Variants in CDH5 observed in about 807,000 individuals in gnomAD.
The protein encoded by CDH5 is cadherin 5.
CDH5 carries 28 observed loss-of-function variants against 62.0 expected under a neutral mutation model. The observed-to-expected ratio is 0.45, with a 90% confidence interval of 0.33 to 0.62. The LOEUF (loss-of-function observed/expected upper bound fraction) is 0.62. Ranked by LOEUF, CDH5 falls within the 20% of genes least tolerant of loss-of-function variation. The pLI, the probability that CDH5 is intolerant of heterozygous loss-of-function variation, is 0.02. For synonymous variants in CDH5, 464 were observed against 445.8 expected (o/e 1.04, Z -0.52); for missense variants, 940 against 1,065.1 (o/e 0.88, Z 1.63).
At chr16:66,391,010 T>C (rs1961074882) in intron 6 of CDH5, among the ~76,000 whole-genome samples, 1 of 152,182 alleles carries the variant, frequency 6.6e-6, no homozygotes, top group African/African-American at 2.4e-5. Flanking sequence ...TAGAAATCCA[T>C]CAGCATGAAG....
chr16:66,393,445 C>T (rs1215186670), intron 7 of CDH5, among the ~76,000 whole-genome samples: 5 of 152,198 alleles, frequency 3.3e-5, no homozygotes, highest in Admixed American at 6.5e-5. Flanking sequence ...GAAGCAGGCA[C>T]GTCTTACACG....
intron 1 of CDH5, among the ~76,000 whole-genome samples, chr16:66,370,536 AAGACC>A (rs1033395308): frequency 8.5e-5 from 13 of 152,152 alleles, no homozygotes; most frequent in African/African-American, 3.1e-4. Flanking sequence ...AGTGGGTGAC[AAGACC>A]AGAACTGGAG....
At chr16:66,378,507 A>G (rs1242761402) in intron 1 of CDH5, among the ~76,000 whole-genome samples, 1 of 152,240 alleles carries the variant, frequency 6.6e-6, no homozygotes, top group Non-Finnish European at 1.5e-5. Flanking sequence ...ATGCTTGATA[A>G]AGATTAGCTA....
chr16:66,379,592 C>G, intron 2 of CDH5, 45 bp downstream of exon 2: 1 of 1,559,644 alleles, frequency 6.4e-7, no homozygotes. Flanking sequence ...AGCAGCTGGC[C>G]CATAGTGACA....
intron 1 of CDH5, among the ~76,000 whole-genome samples, chr16:66,368,100 A>C (rs112360388): frequency 1.8e-4 from 28 of 152,314 alleles, no homozygotes; most frequent in Middle Eastern, 6.8e-3. Flanking sequence ...CTCCCTCCCC[A>C]GCGTGGACGT....
intron 3 of CDH5, 73 bp from the exon 4 acceptor site, chr16:66,388,251 C>G: frequency 2.2e-6 from 2 of 918,744 alleles, no homozygotes; most frequent in Non-Finnish European, 3.6e-6. Flanking sequence ...TGAGCCCCAT[C>G]TGCTCTGTTC....
At chr16:66,398,257 C>G in intron 9 of CDH5, 151 bp downstream of exon 9, 1 of 1,021,254 alleles carries the variant, frequency 9.8e-7, no homozygotes, top group Non-Finnish European at 1.5e-6. Context: ...GAAACTGAGG[C>G]TCAGAGGGAA....
Position 66,379,401 on chromosome 16 carries a change from G to T in CDH5, c.64G>T (p.Ala22Ser). Residue 22 changes from alanine (A) to serine (S), a missense_variant, in exon 2 of 12, where the codon GCA becomes TCA. Coordinates refer to ENST00000341529, the MANE Select transcript of CDH5 (RefSeq NM_001795.5). ...GACLGLLAVAAVAAAGANPAQ... is the reference protein window; with the variant it reads ...GACLGLLAVASVAAAGANPAQ... Reference sequence around the variant, plus strand: ...CTGCCTGGGCCTGCTGGCAGTGGCAGCAGTGGCAGCAGCAGGTGCTAACCC... The same window carrying T: ...CTGCCTGGGCCTGCTGGCAGTGGCATCAGTGGCAGCAGCAGGTGCTAACCC... 6.2e-7 allele frequency: 1 copy of T among 1,613,952 alleles called. No individual in the cohort carries two copies. Among genetic ancestry groups the T allele is most frequent in the East Asian group, 2.2e-5 (1 of 44,880 alleles).
intron 1 of CDH5, among the ~76,000 whole-genome samples, chr16:66,369,297 C>T (rs11644739): frequency 0.18 from 26,708 of 152,058 alleles, 2,944 homozygotes; most frequent in Middle Eastern, 0.28. Flanking sequence ...GAAATGAGGT[C>T]AAGCGTAAGT....
At position 66,398,100 on chromosome 16, in the gene CDH5, T is replaced by C. The variant is rs1215134826; in HGVS notation, c.1479T>C (p.His493=). ...YQPKVCENAV[H]GQLVLQISAI... ...CCAAAGTGTGTGAGAACGCTGTCCA[T>C]GGCCAGGTGAGTCTGGTTCAGGTGG... Residue 493 remains histidine, a synonymous_variant, in exon 9 of 12, where the codon CAT becomes CAC. Transcript: ENST00000341529. The C allele has an allele frequency of 1.9e-6, 3 of 1,614,196 alleles. No homozygotes were observed. The highest frequency in any genetic ancestry group is 2.2e-5 in the East Asian group (1 of 44,884).
At chr16:66,394,177 T>C (rs7191620) in intron 7 of CDH5, among the ~76,000 whole-genome samples, 4,696 of 152,306 alleles carry the variant, frequency 0.031, 219 homozygotes, top group African/African-American at 0.11. Context: ...TTGCAACTAT[T>C]TTACCTTCAT....
At chr16:66,383,881 T>A (rs541546491) in intron 2 of CDH5, among the ~76,000 whole-genome samples, 29 of 152,128 alleles carry the variant, frequency 1.9e-4, no homozygotes, top group African/African-American at 7.0e-4. Flanking sequence ...CCTTCTAGAA[T>A]CTTCCCTAGG....
chr16:66,392,424 G>T, intron 7 of CDH5, 41 bp downstream of exon 7: 2 of 1,608,654 alleles, frequency 1.2e-6, no homozygotes, highest in African/African-American at 1.3e-5. Flanking sequence ...AGGACAATCC[G>T]GCCTGGATGT....
intron 1 of CDH5, among the ~76,000 whole-genome samples, chr16:66,369,103 TA>T (rs1960638670): frequency 6.6e-6 from 1 of 152,158 alleles, no homozygotes; most frequent in Non-Finnish European, 1.5e-5. Flanking sequence ...GGATGGTCCC[TA>T]AACTAATTCA....
chr16:66,397,498 G>T (rs1045371778), intron 8 of CDH5, among the ~76,000 whole-genome samples: 4 of 152,068 alleles, frequency 2.6e-5, no homozygotes, highest in African/African-American at 9.7e-5. Flanking sequence ...TGAAATTACA[G>T]GGGTGAGCCA....
intron 1 of CDH5, among the ~76,000 whole-genome samples, chr16:66,376,027 C>G (rs914323650): frequency 6.6e-6 from 1 of 152,186 alleles, no homozygotes; most frequent in Admixed American, 6.5e-5. Flanking sequence ...AGGAGAATGA[C>G]TTGAACCTGG....
intron 1 of CDH5, among the ~76,000 whole-genome samples, chr16:66,375,312 T>C (rs1029422305): frequency 2.0e-5 from 3 of 152,098 alleles, no homozygotes; most frequent in Admixed American, 2.0e-4. Context: ...GGAGGATCAC[T>C]TGAGGCAGGA....
chr16:66,382,457 G>A (rs1201160007), intron 2 of CDH5, among the ~76,000 whole-genome samples: 2 of 152,158 alleles, frequency 1.3e-5, no homozygotes, highest in African/African-American at 2.4e-5. Flanking sequence ...ACAAATGCGA[G>A]CTCTGTGTCA....
At chr16:66,378,141 G>T (rs1039388701) in intron 1 of CDH5, among the ~76,000 whole-genome samples, 1 of 152,192 alleles carries the variant, frequency 6.6e-6, no homozygotes, top group Non-Finnish European at 1.5e-5. Flanking sequence ...TGGCCCTCAG[G>T]GTTAAGACAG....
Sources: gnomAD v4.1 joint callset for allele counts (sites outside exome capture counted in the v4.1 genomes callset) on GRCh38, gnomAD v4.1.1 for gene constraint, MANE v1.5 for transcripts, NCBI Gene and HGNC (gene_info 2026-07-23, HGNC 2026-07-21) for gene names.